Variants in LINGO2 observed in about 807,000 individuals in gnomAD.
LINGO2 encodes leucine rich repeat and Ig domain containing 2, also known as leucine-rich repeat and immunoglobulin-like domain-containing nogo receptor-interacting protein 2.
LINGO2 carries 14 observed loss-of-function variants against 30.6 expected under a neutral mutation model. The ratio of observed to expected loss-of-function variants is 0.46; its 90% CI spans 0.30 to 0.72. The LOEUF (loss-of-function observed/expected upper bound fraction) is 0.72. Among genes scored for constraint, LINGO2 ranks in the 30% least tolerant of loss-of-function variants. The pLI, the probability that LINGO2 is intolerant of heterozygous loss-of-function variation, is 0.07. For synonymous variants in LINGO2, 317 were observed against 288.5 expected, an observed-to-expected ratio of 1.10 and a Z score of -1.00; for missense variants, 729 against 751.7, an observed-to-expected ratio of 0.97 and a Z score of 0.35.
At chr9:28,205,953 T>A (rs1820394016) in intron 4 of LINGO2, among the ~76,000 whole-genome samples, 1 of 151,916 alleles carries the variant, frequency 6.6e-6, no homozygotes, top group Admixed American at 6.6e-5. Context: ...GAGGCCGAAG[T>A]GGGCAGTTCA....
intron 1 of LINGO2, among the ~76,000 whole-genome samples, chr9:28,633,673 C>T (rs970045597): frequency 3.3e-5 from 5 of 152,132 alleles, no homozygotes; most frequent in African/African-American, 1.2e-4. Flanking sequence ...ATTAATAGGA[C>T]TGAGACCTTC....
the LINGO2 span, among the ~76,000 whole-genome samples, chr9:28,966,619 T>G: frequency 6.6e-6 from 1 of 152,232 alleles, no homozygotes; most frequent in African/African-American, 2.4e-5. Context: ...CTTGGTAACT[T>G]ATGTCACTTA....
the LINGO2 span, among the ~76,000 whole-genome samples, chr9:28,837,313 A>C: frequency 6.6e-6 from 1 of 152,028 alleles, no homozygotes; most frequent in African/African-American, 2.4e-5. Context: ...TGCTCCAAGA[A>C]TGGGACTGGT....
chr9:28,449,013 CT>C (rs1049720239), intron 2 of LINGO2, among the ~76,000 whole-genome samples: 2 of 148,742 alleles, frequency 1.3e-5, no homozygotes, highest in Non-Finnish European at 3.0e-5. Context: ...ACAATCCATT[CT>C]GCCTATGTAT....
At chr9:28,100,640 T>C (rs1250152810) in intron 4 of LINGO2, among the ~76,000 whole-genome samples, 1 of 152,176 alleles carries the variant, frequency 6.6e-6, no homozygotes, top group East Asian at 1.9e-4. Context: ...TGGCCATTAA[T>C]GTTTCCTTGC....
chr9:28,362,605 G>A (rs1363052493), intron 3 of LINGO2, among the ~76,000 whole-genome samples: 2 of 151,906 alleles, frequency 1.3e-5, no homozygotes, highest in African/African-American at 4.8e-5. Flanking sequence ...TGAGTAGCTG[G>A]GATTACAGGC....
At chr9:28,771,506 T>TGTGAGAGA in the LINGO2 span, among the ~76,000 whole-genome samples, 6 of 95,032 alleles carry the variant, frequency 6.3e-5, no homozygotes, top group African/African-American at 2.0e-4. Context: ...TGTGTGTGTG[T>TGTGAGAGA]GAGAGAGAGA....
chr9:29,141,226 T>C, the LINGO2 span, among the ~76,000 whole-genome samples: 2 of 151,938 alleles, frequency 1.3e-5, no homozygotes, highest in Admixed American at 6.6e-5. Context: ...ACTATAACTA[T>C]AAAATATTCT....
chr9:28,741,979 C>T, the LINGO2 span, among the ~76,000 whole-genome samples: 1 of 151,702 alleles, frequency 6.6e-6, no homozygotes, highest in Non-Finnish European at 1.5e-5. Flanking sequence ...GAGGAAGGCC[C>T]AGAAACTAAA....
At chr9:29,084,395 G>C in the LINGO2 span, among the ~76,000 whole-genome samples, 1 of 152,020 alleles carries the variant, frequency 6.6e-6, no homozygotes, top group Non-Finnish European at 1.5e-5. Context: ...CTAATGATTT[G>C]ATTGTATTTT....
chr9:28,452,382 A>G (rs1391727795), intron 2 of LINGO2, among the ~76,000 whole-genome samples: 1 of 151,816 alleles, frequency 6.6e-6, no homozygotes. Flanking sequence ...TGAAACATGT[A>G]TTTCATAGAG....
At chr9:29,129,577 GA>G in the LINGO2 span, among the ~76,000 whole-genome samples, 32 of 152,102 alleles carry the variant, frequency 2.1e-4, no homozygotes, top group African/African-American at 7.2e-4. Flanking sequence ...GGTTACTAAG[GA>G]TAAGAATTCT....
intron 4 of LINGO2, among the ~76,000 whole-genome samples, chr9:28,120,128 G>T (rs920017510): frequency 6.6e-6 from 1 of 152,128 alleles, no homozygotes; most frequent in African/African-American, 2.4e-5. Context: ...GAAAGAAATA[G>T]GATTGATGCT....
At chr9:29,012,699 C>A in the LINGO2 span, among the ~76,000 whole-genome samples, 1 of 152,052 alleles carries the variant, frequency 6.6e-6, no homozygotes, top group Admixed American at 6.6e-5. Context: ...TAACAATCTT[C>A]ATGAAATTTT....
At chr9:28,661,731 A>T (rs529718445) in intron 1 of LINGO2, among the ~76,000 whole-genome samples, 31 of 152,276 alleles carry the variant, frequency 2.0e-4, no homozygotes, top group African/African-American at 7.0e-4. Flanking sequence ...TTACATTTTT[A>T]AAAAGCCAAT....
intron 4 of LINGO2, among the ~76,000 whole-genome samples, chr9:28,213,409 G>A (rs1434060864): frequency 1.3e-5 from 2 of 151,426 alleles, no homozygotes; most frequent in Non-Finnish European, 3.0e-5. Flanking sequence ...AAAAGCCAGA[G>A]TGATCAAACA....
chr9:28,498,414 G>T lies in LINGO2; in HGVS notation c.-364-22389C>A, dbSNP rs1412704318. On this transcript the variant is annotated intron_variant, in intron 1 of 5. Transcript: ENST00000379992. ...TTGCAGTTAGATCTCAGACTGCTGT[G>T]CTAGCAATGAGCGAGCTTCTGTGGG... 2.0e-5 allele frequency among the ~76,000 whole-genome samples: 3 copies of T among 152,172 alleles called. 1 individual carries two copies. The East Asian group carries it at 5.8e-4, about 29-fold the overall frequency.
Position 28,348,896 on chromosome 9 carries a change from C to A in LINGO2, c.-246+23940G>T, listed in dbSNP as rs538181984. 9.9e-3 allele frequency among the ~76,000 whole-genome samples: 1,509 copies of A among 152,022 alleles called. 30 individuals carry two copies. The highest frequency in any genetic ancestry group is 0.034 in the African/African-American group (1,418 of 41,444). ...ACCCCCCACCAGGGGCACACTGACA[C>A]CTCACATGGCAGGGTATTCCAACAG... On this transcript the variant is annotated intron_variant, in intron 3 of 5. Transcript: ENST00000379992.
chr9:28,263,402 T>C (rs1822634549), intron 4 of LINGO2, among the ~76,000 whole-genome samples: 1 of 152,010 alleles, frequency 6.6e-6, no homozygotes, highest in South Asian at 2.1e-4. Flanking sequence ...TATTCTATGA[T>C]ATTCACAGGT....
Sources: gnomAD v4.1 joint callset for allele counts (sites outside exome capture counted in the v4.1 genomes callset) on GRCh38, gnomAD v4.1.1 for gene constraint, MANE v1.5 for transcripts, NCBI Gene and HGNC (gene_info 2026-07-23, HGNC 2026-07-21) for gene names.